Variants in CHD2 observed in about 807,000 individuals in gnomAD.
CHD2 encodes the protein ATP-dependent chromatin remodeler CHD2.
In CHD2, 28 loss-of-function variants were observed where a neutral mutation model predicts 243.9. That is an observed-to-expected ratio of 0.11 (90% CI 0.09 to 0.16). CHD2 has a LOEUF of 0.16. Among genes scored for constraint, CHD2 ranks in the 10% least tolerant of loss-of-function variants. The probability of loss-of-function intolerance (pLI) is 1.00; values close to 1 mark genes in which losing one functional copy is unlikely to be tolerated. For synonymous variants in CHD2, 775 were observed against 779.0 expected (o/e 0.99, Z 0.09); for missense variants, 1,386 against 2,209.8 (o/e 0.63, Z 7.47).
chr15:92,917,863 A>C (rs2052872856), intron 2 of CHD2, among the ~76,000 whole-genome samples: 1 of 152,340 alleles, frequency 6.6e-6, no homozygotes, highest in Non-Finnish European at 1.5e-5. Flanking sequence ...TATGCCTGAC[A>C]CAAAAGTGCT....
At chr15:92,930,429 C>T (rs1253831597) in intron 5 of CHD2, among the ~76,000 whole-genome samples, 1 of 151,856 alleles carries the variant, frequency 6.6e-6, no homozygotes, top group African/African-American at 2.4e-5. Context: ...GTCTTGTCAG[C>T]CTTTTTGTTT....
At chr15:92,902,525 T>C (rs978384320) in intron 2 of CHD2, 2 of 202,732 alleles carry the variant, frequency 9.9e-6, no homozygotes, top group African/African-American at 4.6e-5. Flanking sequence ...GTTACTAATA[T>C]GCTGAATTCT....
intron 13 of CHD2, among the ~76,000 whole-genome samples, chr15:92,950,225 A>G (rs370270480): frequency 7.0e-4 from 107 of 152,356 alleles, no homozygotes; most frequent in African/African-American, 2.1e-3. Flanking sequence ...GGGCTTAACA[A>G]AGAGTTATTA....
In CHD2 at chr15:92,901,273, C is replaced by G; in HGVS notation, c.36C>G (p.Asp12Glu). The G allele has an allele frequency of 6.2e-7, 1 of 1,607,502 alleles. No homozygotes were observed. Among genetic ancestry groups the G allele is most frequent in the Non-Finnish European group, 8.5e-7 (1 of 1,174,534 alleles). The change falls in exon 2 of 39, where the codon GAC becomes GAG. Residue 12 changes from aspartate to glutamate, a missense_variant. Physicochemically the swap from Asp to Glu is conservative, Grantham distance 45. Around this residue, in one of 19 missense-constraint regions of CHD2, gnomAD observed 89 missense variants for 102.4 expected, o/e 0.87. Coordinates refer to ENST00000394196, the MANE Select transcript of CHD2 (RefSeq NM_001271.4). ...ATAAGGACAAAAGCCAAGAGGAGGA[C>G]AGTTCGCTACACAGCAATGCATCGA... is the stretch of plus-strand genomic sequence containing the variant. ...MRNKDKSQEEDSSLHSNASSH... is the reference protein window; with the variant it reads ...MRNKDKSQEEESSLHSNASSH...
At chr15:92,964,073 A>G (rs951628758) in intron 16 of CHD2, among the ~76,000 whole-genome samples, 7 of 152,220 alleles carry the variant, frequency 4.6e-5, no homozygotes, top group Non-Finnish European at 7.3e-5. Context: ...CTATGTTTGG[A>G]AAAATGTCAT....
intron 33 of CHD2, 156 bp from the exon 34 acceptor site, chr15:93,004,461 G>T (rs927960214): frequency 1.3e-5 from 8 of 601,336 alleles, no homozygotes; most frequent in Non-Finnish European, 2.1e-5. Context: ...AGACAGGTTT[G>T]TCTTCATGAT....
At chr15:92,936,729 T>G in intron 5 of CHD2, among the ~76,000 whole-genome samples, 1 of 152,212 alleles carries the variant, frequency 6.6e-6, no homozygotes, top group Admixed American at 6.5e-5. Context: ...ATAGTGGTTC[T>G]CAGAGTTTCT....
intron 5 of CHD2, 123 bp downstream of exon 5, chr15:92,929,214 CTAGCTCGGGTG>C (rs1157834294): frequency 2.3e-5 from 19 of 841,004 alleles, no homozygotes; most frequent in Non-Finnish European, 3.6e-5. Context: ...GTCTCTCTTA[CTAGCTCGGGTG>C]ACTGTCTACC....
chr15:92,931,137 C>A (rs907200776), intron 5 of CHD2, among the ~76,000 whole-genome samples: 3 of 152,194 alleles, frequency 2.0e-5, no homozygotes, highest in African/African-American at 7.2e-5. Flanking sequence ...ACATGCATTT[C>A]AGAATTCAGA....
In CHD2 at chr15:92,942,870, C is replaced by T. The variant is rs544867753; in HGVS notation, c.854C>T (p.Ala285Val). The change falls in exon 9 of 39, where the codon GCG (alanine) becomes GTG (valine). Residue 285 changes from alanine (A) to valine (V), a missense_variant. By Grantham distance (64) the Ala-to-Val change is moderately conservative (BLOSUM62 0). This residue lies in a region of CHD2 where 200 missense variants were observed against 292.5 expected (regional missense o/e 0.68). Transcript: ENST00000394196. Reference protein sequence around the residue: ...GATGASTTVYAIEANGDPSGD... With the variant: ...GATGASTTVYVIEANGDPSGD... ...ACTGGAGCATCTACTACTGTATATG[C>T]GATTGAAGCTAATGGCGACCCTAGT... 36 of 1,613,086 alleles carry T rather than the reference C, an allele frequency of 2.2e-5. No individual in the cohort carries two copies. Among genetic ancestry groups the T allele is most frequent in the Middle Eastern group, 1.6e-4 (1 of 6,082 alleles).
At chr15:92,958,973 C>T (rs1441701355) in intron 16 of CHD2, among the ~76,000 whole-genome samples, 2 of 152,204 alleles carry the variant, frequency 1.3e-5, no homozygotes, top group African/African-American at 4.8e-5. Flanking sequence ...TTTCTCAGGA[C>T]ATAACCCTGT....
intron 16 of CHD2, among the ~76,000 whole-genome samples, chr15:92,961,220 A>G (rs888163864): frequency 2.6e-5 from 4 of 152,154 alleles, no homozygotes; most frequent in African/African-American, 7.2e-5. Context: ...AGCCATGTCA[A>G]CCTTCACTTT....
At chr15:92,934,666 G>A (rs1259584707) in intron 5 of CHD2, among the ~76,000 whole-genome samples, 2 of 152,180 alleles carry the variant, frequency 1.3e-5, no homozygotes, top group African/African-American at 4.8e-5. Context: ...TAATTTCTTT[G>A]TAACAGCTCA....
intron 5 of CHD2, among the ~76,000 whole-genome samples, chr15:92,934,538 A>G (rs914389119): frequency 6.6e-6 from 1 of 152,248 alleles, no homozygotes; most frequent in African/African-American, 2.4e-5. Flanking sequence ...CTGACTTACA[A>G]TGTATGGCTT....
intron 18 of CHD2, 97 bp from the exon 19 acceptor site, chr15:92,972,168 G>C: frequency 7.3e-7 from 1 of 1,366,270 alleles, no homozygotes. Flanking sequence ...GCTTCAGAAA[G>C]CTTTAAGATG....
chr15:92,956,638 T>C lies in CHD2; in HGVS notation c.1989T>C (p.Ile663=). ...LKELWSLLHF[I]MPEKFEFWED... is the part of the protein sequence containing the mutation. The stretch of plus-strand genomic sequence containing the variant: ...AGCTCTGGTCCTTGCTGCACTTTAT[T>C]ATGCCGGAGAAGTAAGCTCCTTCCT... The change falls in exon 16 of 39, where the codon ATT becomes ATC. Residue 663 remains isoleucine (I), a synonymous_variant. Coordinates refer to ENST00000394196, the MANE Select transcript of CHD2 (RefSeq NM_001271.4). 2 of 1,608,618 alleles carry C rather than the reference T, an allele frequency of 1.2e-6. No individual in the cohort carries two copies. The highest frequency in any genetic ancestry group is 1.1e-5 in the South Asian group (1 of 90,052).
chr15:92,904,607 G>A, intron 2 of CHD2: 1 of 1,156,272 alleles, frequency 8.6e-7, no homozygotes, highest in Middle Eastern at 2.3e-4. Flanking sequence ...CCTGTAGTGT[G>A]TTCTTTTGCC....
intron 33 of CHD2, among the ~76,000 whole-genome samples, chr15:93,003,782 A>G (rs2054287083): frequency 6.6e-6 from 1 of 152,220 alleles, no homozygotes; most frequent in Non-Finnish European, 1.5e-5. Flanking sequence ...TACATATTAT[A>G]GTGTATATCC....
At chr15:92,967,158 G>A (rs1277152280) in intron 16 of CHD2, among the ~76,000 whole-genome samples, 167 bp from the exon 17 acceptor site, 1 of 152,022 alleles carries the variant, frequency 6.6e-6, no homozygotes, top group South Asian at 2.1e-4. Flanking sequence ...TAGACTGATG[G>A]AGTTGATTTC....
Sources: allele counts gnomAD v4.1 joint callset (sites outside exome capture counted in the v4.1 genomes callset), GRCh38; gene constraint gnomAD v4.1.1; regional missense constraint gnomAD v4.1.1; transcripts MANE v1.5; gene names NCBI Gene and HGNC (gene_info 2026-07-23, HGNC 2026-07-21).